Variants in LINGO2 observed in about 807,000 individuals in gnomAD.
The protein encoded by LINGO2 is leucine-rich repeat and immunoglobulin-like domain-containing nogo receptor-interacting protein 2.
Under a neutral mutation model 30.6 loss-of-function variants are expected in LINGO2, and 14 were observed. The observed-to-expected ratio is 0.46, with a 90% CI of 0.30 to 0.72. The LOEUF is 0.72. Among genes scored for constraint, LINGO2 ranks in the 30% least tolerant of loss-of-function variants. The pLI, the probability that LINGO2 is intolerant of heterozygous loss-of-function variation, is 0.07. For synonymous variants in LINGO2, 317 were observed against 288.5 expected (o/e 1.10, Z -1.00); for missense variants, 729 against 751.7 (o/e 0.97, Z 0.35).
At chr9:28,244,004 C>T (rs935769924) in intron 4 of LINGO2, among the ~76,000 whole-genome samples, 1 of 152,134 alleles carries the variant, frequency 6.6e-6, no homozygotes, top group Non-Finnish European at 1.5e-5. Context: ...ACTCTCTACC[C>T]CAAAACAATA....
the LINGO2 span, among the ~76,000 whole-genome samples, chr9:29,060,894 G>C: frequency 6.6e-6 from 1 of 151,858 alleles, no homozygotes; most frequent in African/African-American, 2.4e-5. Flanking sequence ...AAACCCATCA[G>C]TAAGATCAGA....
At chr9:29,207,177 A>G in the LINGO2 span, among the ~76,000 whole-genome samples, 1 of 151,858 alleles carries the variant, frequency 6.6e-6, no homozygotes. Flanking sequence ...TGTTCATATG[A>G]TATTGTACAT....
intron 4 of LINGO2, among the ~76,000 whole-genome samples, chr9:28,176,009 C>A (rs1257321980): frequency 1.3e-5 from 2 of 152,156 alleles, no homozygotes; most frequent in Non-Finnish European, 2.9e-5. Context: ...ACCACCTTTG[C>A]TCTTACTTTT....
chr9:28,981,366 A>G, the LINGO2 span, among the ~76,000 whole-genome samples: 1 of 83,692 alleles, frequency 1.2e-5, no homozygotes, highest in African/African-American at 3.4e-5. Flanking sequence ...TCTACTTAAG[A>G]TCCTTAGATT....
intron 4 of LINGO2, among the ~76,000 whole-genome samples, chr9:28,049,520 T>C (rs1343456): frequency 0.21 from 31,647 of 150,232 alleles, 4,571 homozygotes; most frequent in Admixed American, 0.28. Flanking sequence ...GGAAATAGCA[T>C]GGTGAGTAAG....
chr9:27,967,421 G>A lies in LINGO2; in HGVS notation c.-35-16715C>T, dbSNP rs528826783. ...TTCACATTTCATTAGTCAGAACTCA[G>A]TCATGTGGGCACACCCAACTAAATG... On this transcript the variant is annotated intron_variant, in intron 5 of 5. Coordinates refer to ENST00000379992, the Ensembl canonical transcript of LINGO2. Among the ~76,000 whole-genome samples, 8 of 152,214 alleles carry A rather than the reference G, an allele frequency of 5.3e-5. No homozygotes were observed. The South Asian group carries it at 1.7e-3, about 32-fold the overall frequency.
rs181639168 is a variant in LINGO2 at position 28,149,394 on chromosome 9, C to A, written c.-86-136989G>T. On this transcript the variant is annotated intron_variant, in intron 4 of 5. Transcript: ENST00000379992. ...GAGCGCCTCTGCCAGGCTGCTCCAC[C>A]GTCTGGGAAGTAAGGAGCACCTCTG... 3.6e-4 allele frequency among the ~76,000 whole-genome samples: 54 copies of A among 150,166 alleles called. No individual in the cohort carries two copies. In the East Asian group the frequency reaches 0.01, roughly 28 times the overall value.
At chr9:28,310,236 A>G (rs536436013) in intron 3 of LINGO2, among the ~76,000 whole-genome samples, 2 of 152,196 alleles carry the variant, frequency 1.3e-5, no homozygotes, top group Non-Finnish European at 2.9e-5. Context: ...ACTTGTCCAC[A>G]GTCGTTCCTA....
intron 4 of LINGO2, among the ~76,000 whole-genome samples, chr9:28,270,894 T>C (rs1822916031): frequency 6.6e-6 from 1 of 152,150 alleles, no homozygotes; most frequent in Non-Finnish European, 1.5e-5. Flanking sequence ...TCAGAGAGAC[T>C]AAATCATTTG....
At chr9:28,614,414 A>T (rs1047448793) in intron 1 of LINGO2, among the ~76,000 whole-genome samples, 1 of 152,168 alleles carries the variant, frequency 6.6e-6, no homozygotes, top group Non-Finnish European at 1.5e-5. Context: ...CCATTTCAAA[A>T]GAATTTTCTA....
chr9:27,946,617 G>A (rs1362703561), downstream of LINGO2, among the ~76,000 whole-genome samples: 3 of 152,014 alleles, frequency 2.0e-5, no homozygotes, highest in African/African-American at 2.4e-5. Flanking sequence ...ACTTTTGGAA[G>A]TTTTTTTGAA....
intron 5 of LINGO2, among the ~76,000 whole-genome samples, chr9:27,988,984 T>C (rs1821258992): frequency 1.3e-5 from 2 of 151,980 alleles, no homozygotes; most frequent in South Asian, 4.1e-4. Flanking sequence ...CTTGCTTGAA[T>C]GACTGCAATA....
At chr9:29,086,975 G>A in the LINGO2 span, among the ~76,000 whole-genome samples, 5 of 149,628 alleles carry the variant, frequency 3.3e-5, no homozygotes, top group African/African-American at 7.4e-5. Context: ...TCTGCCTCCC[G>A]GGCAATTCTT....
At chr9:28,225,623 C>A (rs888852233) in intron 4 of LINGO2, among the ~76,000 whole-genome samples, 2 of 151,760 alleles carry the variant, frequency 1.3e-5, no homozygotes, top group African/African-American at 4.8e-5. Flanking sequence ...ATATAATGAA[C>A]AAAATATAAA....
chr9:28,788,840 G>A, the LINGO2 span, among the ~76,000 whole-genome samples: 28 of 152,220 alleles, frequency 1.8e-4, no homozygotes, highest in Middle Eastern at 3.4e-3. Context: ...GGAGTATGGG[G>A]ATTACAATTT....
chr9:27,960,082 T>C (rs887654030), intron 5 of LINGO2, among the ~76,000 whole-genome samples: 7 of 152,164 alleles, frequency 4.6e-5, no homozygotes, highest in Non-Finnish European at 1.0e-4. Flanking sequence ...TATTTCATTT[T>C]GGTTCATTCC....
chr9:28,350,473 A>G (rs2134440319), intron 3 of LINGO2, among the ~76,000 whole-genome samples: 1 of 149,854 alleles, frequency 6.7e-6, no homozygotes, highest in Admixed American at 6.7e-5. Flanking sequence ...ATATGCACCC[A>G]ATACAGGAGC....
intron 1 of LINGO2, among the ~76,000 whole-genome samples, chr9:28,593,440 T>C (rs1481810602): frequency 6.6e-6 from 1 of 152,092 alleles, no homozygotes; most frequent in East Asian, 1.9e-4. Context: ...CACCCACTCT[T>C]ACTCACTTCC....
In LINGO2 at chr9:28,204,392, A is replaced by G. The variant is rs183015875; in HGVS notation, c.-87+90816T>C. Among the ~76,000 whole-genome samples the G allele has an allele frequency of 2.6e-3, 400 of 152,324 alleles. 3 individuals are homozygous for G. The highest frequency in any genetic ancestry group is 8.9e-3 in the African/African-American group (372 of 41,584). ...TGAATTTTAACAAAAGGACCTACTC[A>G]CACACATTCTGATACTGTGATGCTC... On this transcript the variant is annotated intron_variant, in intron 4 of 5. Coordinates refer to ENST00000379992, the Ensembl canonical transcript of LINGO2.
Sources: allele counts gnomAD v4.1 joint callset (sites outside exome capture counted in the v4.1 genomes callset), GRCh38; gene constraint gnomAD v4.1.1; transcripts MANE v1.5; gene names NCBI Gene and HGNC (gene_info 2026-07-23, HGNC 2026-07-21).